The following ARHGAP35 variants were observed in gnomAD, a reference collection of about 807,000 sequenced individuals.
ARHGAP35 encodes Rho GTPase activating protein 35.
ARHGAP35 carries 15 observed loss-of-function variants against 111.1 expected under a neutral mutation model. The ratio of observed to expected loss-of-function variants is 0.13; its 90% CI spans 0.09 to 0.21. ARHGAP35 has a LOEUF of 0.21. Ranked by LOEUF, ARHGAP35 falls within the 10% of genes least tolerant of loss-of-function variation. ARHGAP35 has a pLI of 1.00. For synonymous variants in ARHGAP35, 643 were observed against 710.3 expected (o/e 0.91, Z 1.51); for missense variants, 1,262 against 1,873.0 (o/e 0.67, Z 6.02).
At chr19:46,867,396 T>C (rs1417850706) in intron 1 of ARHGAP35, among the ~76,000 whole-genome samples, 2 of 152,206 alleles carry the variant, frequency 1.3e-5, no homozygotes, top group African/African-American at 4.8e-5. Context: ...AAACTGGTAA[T>C]TGCATTTGGA....
At chr19:46,863,064 T>G (rs889455324) in intron 1 of ARHGAP35, among the ~76,000 whole-genome samples, 4 of 151,988 alleles carry the variant, frequency 2.6e-5, no homozygotes, top group African/African-American at 9.7e-5. Context: ...TTTTTTTTTT[T>G]TTCCTTCCCC....
At chr19:46,983,660 C>T (rs1470864354) in intron 3 of ARHGAP35, among the ~76,000 whole-genome samples, 3 of 129,566 alleles carry the variant, frequency 2.3e-5, no homozygotes, top group Admixed American at 9.5e-5. Flanking sequence ...GTCACCCAGG[C>T]TGGAGTGCAG....
chr19:46,894,095 T>C (rs1398396202), intron 1 of ARHGAP35, among the ~76,000 whole-genome samples: 3 of 152,154 alleles, frequency 2.0e-5, no homozygotes, highest in Non-Finnish European at 4.4e-5. Flanking sequence ...ACTCTCTCCC[T>C]TGTCCTTAGA....
chr19:46,867,268 T>A (rs1291115760), intron 1 of ARHGAP35, among the ~76,000 whole-genome samples: 1 of 152,218 alleles, frequency 6.6e-6, no homozygotes, highest in East Asian at 1.9e-4. Flanking sequence ...TCTTTTTATG[T>A]ACTTTGCAGC....
In ARHGAP35 at chr19:46,999,265, G is replaced by A. The variant is rs201146926; in HGVS notation, c.4037-39G>A. The A allele has an allele frequency of 3.4e-3, 4,973 of 1,481,720 alleles. 9 individuals carry two copies. The highest frequency in any genetic ancestry group is 4.6e-3 in the Admixed American group (235 of 50,990). The allele number at this position is 1,481,720 out of a possible 1,614,324, so 91.8% of individuals were successfully genotyped here. ...ACGCCCTGGGGTGGCCACCAGCCTCGGCCATGAAAGGCAAGGCTTTGGTTT... is the reference window on the plus strand; with the variant it reads ...ACGCCCTGGGGTGGCCACCAGCCTCAGCCATGAAAGGCAAGGCTTTGGTTT... On this transcript the variant is annotated intron_variant, in intron 5 of 6. Transcript: ENST00000672722. The surrounding 1 kb of genome is among the most constrained non-coding windows in gnomAD (Gnocchi z 5.4).
rs1388341133 is a variant in ARHGAP35 at position 46,940,262 on chromosome 19, A to G, written c.3826+2854A>G. ...TAATCCTAGCTAGTCGGGAGGCTGA[A>G]GCAGGAGAATCGCTTGAACCTGGGA... On this transcript the variant is annotated intron_variant, in intron 3 of 6. Transcript: ENST00000672722. 2.6e-5 allele frequency among the ~76,000 whole-genome samples: 4 copies of G among 151,910 alleles called. No homozygotes were observed. The South Asian group carries it at 8.3e-4, about 32-fold the overall frequency.
chr19:46,994,383 C>T lies in ARHGAP35; in HGVS notation c.4036+4708C>T, dbSNP rs1355655082. 2.6e-5 allele frequency among the ~76,000 whole-genome samples: 4 copies of T among 152,212 alleles called. No individual in the cohort carries two copies. Among genetic ancestry groups the T allele is most frequent in the Admixed American group, 6.5e-5 (1 of 15,284 alleles). ...ACCAGGTCCACACAGACTGTGGCCC[C>T]AGCCTTCGGCAGCACCATAGGGTAG... On this transcript the variant is annotated intron_variant, in intron 5 of 6. Coordinates refer to ENST00000672722, the MANE Select transcript of ARHGAP35 (RefSeq NM_004491.5). The surrounding 1 kb of genome is among the most constrained non-coding windows in gnomAD (Gnocchi z 5.4).
At position 46,922,044 on chromosome 19, in the gene ARHGAP35, C is replaced by T. The variant is rs771799079; in HGVS notation, c.3369C>T (p.Asn1123=). ...QGKIITIRNI[N]KAQSNGSGNG... The stretch of plus-strand genomic sequence containing the variant: ...AAATCATCACCATTCGGAATATCAA[C>T]AAAGCCCAGTCCAACGGCAGCGGGA... Residue 1123 remains asparagine, a synonymous_variant, in exon 2 of 7, where the codon AAC becomes AAT. Coordinates refer to ENST00000672722, the MANE Select transcript of ARHGAP35 (RefSeq NM_004491.5). This position sits in a 1 kb window ranked among gnomAD's most constrained non-coding sequence, Gnocchi z 4.0. 1 of 1,614,048 alleles carries T rather than the reference C, an allele frequency of 6.2e-7. No individual in the cohort carries two copies. The highest frequency in any genetic ancestry group is 1.1e-5 in the South Asian group (1 of 91,078).
At chr19:46,870,594 A>G (rs77974675) in intron 1 of ARHGAP35, among the ~76,000 whole-genome samples, 1 of 151,814 alleles carries the variant, frequency 6.6e-6, no homozygotes, top group Non-Finnish European at 1.5e-5. Flanking sequence ...AAAAAAAAAA[A>G]TTTCTTCCTC....
At chr19:46,937,587 T>C (rs1183915896) in intron 3 of ARHGAP35, among the ~76,000 whole-genome samples, 179 bp downstream of exon 3, 1 of 152,152 alleles carries the variant, frequency 6.6e-6, no homozygotes, top group African/African-American at 2.4e-5. Context: ...GTGTGCAGTT[T>C]TGAGGCTGTC....
chr19:46,869,150 A>G (rs1181814135), intron 1 of ARHGAP35, among the ~76,000 whole-genome samples: 1 of 151,936 alleles, frequency 6.6e-6, no homozygotes, highest in African/African-American at 2.4e-5. Context: ...CATGTGATCC[A>G]CCTGCCTTGG....
chr19:46,947,592 T>C (rs980482665), intron 3 of ARHGAP35: 2 of 152,206 alleles, frequency 1.3e-5, no homozygotes, highest in Non-Finnish European at 2.9e-5. Flanking sequence ...AGAAGACTTA[T>C]GTGACCAAAT....
chr19:46,948,799 CTT>C (rs1320623915), intron 3 of ARHGAP35: 1 of 152,170 alleles, frequency 6.6e-6, no homozygotes, highest in Non-Finnish European at 1.5e-5. Context: ...CAATAGAAAA[CTT>C]TTGTGGGTGG....
At chr19:46,861,821 A>G (rs1300450334) in intron 1 of ARHGAP35, among the ~76,000 whole-genome samples, 1 of 151,628 alleles carries the variant, frequency 6.6e-6, no homozygotes, top group Non-Finnish European at 1.5e-5. Context: ...TGCGGTTCCA[A>G]CCCTTTGGAG....
chr19:46,981,391 A>T (rs1282319880), intron 3 of ARHGAP35, among the ~76,000 whole-genome samples: 1 of 152,224 alleles, frequency 6.6e-6, no homozygotes, highest in African/African-American at 2.4e-5. Context: ...CTATATCTAA[A>T]TATAGAAAGT....
Position 46,920,082 on chromosome 19 carries a change from G to A in ARHGAP35, c.1407G>A (p.Glu469=), listed in dbSNP as rs778030983. 4.9e-5 allele frequency: 79 copies of A among 1,613,630 alleles called. No individual in the cohort carries two copies. In the African/African-American group the frequency reaches 8.1e-4, roughly 17 times the overall value. ...IMNEDFYQWL[E]ESVYMDIYGK... ...ATGAGGATTTCTACCAGTGGCTGGA[G>A]GAATCTGTATACATGGATATTTATG... The change falls in exon 2 of 7, where the codon GAG becomes GAA. Residue 469 remains glutamate, a synonymous_variant. Coordinates refer to ENST00000672722, the MANE Select transcript of ARHGAP35 (RefSeq NM_004491.5). This position sits in a 1 kb window ranked among gnomAD's most constrained non-coding sequence, Gnocchi z 7.0.
At chr19:46,912,263 C>CA (rs1176183327) in intron 1 of ARHGAP35, among the ~76,000 whole-genome samples, 1 of 151,938 alleles carries the variant, frequency 6.6e-6, no homozygotes, top group Non-Finnish European at 1.5e-5. Context: ...AGGCTGGTCT[C>CA]AAACTCCTGA....
chr19:46,952,678 G>A (rs192899196), intron 3 of ARHGAP35, among the ~76,000 whole-genome samples: 27 of 152,262 alleles, frequency 1.8e-4, no homozygotes, highest in African/African-American at 6.5e-4. Flanking sequence ...GTTGTGTTGT[G>A]TTTTGTTTTG....
At chr19:46,899,730 A>G (rs1427170584) in intron 1 of ARHGAP35, among the ~76,000 whole-genome samples, 1 of 151,986 alleles carries the variant, frequency 6.6e-6, no homozygotes, top group Non-Finnish European at 1.5e-5. Flanking sequence ...CAAAAACAAA[A>G]AAAAAAAGAA....
Sources: allele counts gnomAD v4.1 joint callset (sites outside exome capture counted in the v4.1 genomes callset), GRCh38; gene constraint gnomAD v4.1.1; non-coding constraint Gnocchi (gnomAD v3.1); transcripts MANE v1.5; gene names NCBI Gene and HGNC (gene_info 2026-07-23, HGNC 2026-07-21).